The following SORCS3 variants were observed in gnomAD, a reference collection of about 807,000 sequenced individuals.
SORCS3 encodes VPS10 domain-containing receptor SorCS3.
In SORCS3, 57 loss-of-function variants were observed where a neutral mutation model predicts 146.3. That is an observed-to-expected ratio of 0.39 (90% CI 0.31 to 0.49). The LOEUF is 0.49. Among genes scored for constraint, SORCS3 ranks in the 20% least tolerant of loss-of-function variants. The pLI, the probability that SORCS3 is intolerant of heterozygous loss-of-function variation, is 0.92. For missense variants in SORCS3, 1,341 were observed against 1,575.5 expected (o/e 0.85, Z 2.52); for synonymous variants, 653 against 618.5 (o/e 1.06, Z -0.83).
At chr10:105,134,648 C>T (rs1030973737) in intron 7 of SORCS3, among the ~76,000 whole-genome samples, 1 of 151,878 alleles carries the variant, frequency 6.6e-6, no homozygotes, top group Admixed American at 6.6e-5. Context: ...ATGGCCTAAT[C>T]ACCTCTTGAA....
chr10:104,999,848 C>T (rs2055050220), intron 4 of SORCS3, among the ~76,000 whole-genome samples: 3 of 152,158 alleles, frequency 2.0e-5, no homozygotes, highest in Admixed American at 6.6e-5. Flanking sequence ...CCACTAGCTC[C>T]TTCTCCTGTG....
intron 20 of SORCS3, among the ~76,000 whole-genome samples, chr10:105,225,315 C>T (rs1022338467): frequency 2.6e-5 from 4 of 151,980 alleles, no homozygotes; most frequent in Admixed American, 6.6e-5. Context: ...TCCAGTTGTT[C>T]AAGCACCATT....
At chr10:105,196,994 G>A (rs529567528) in intron 14 of SORCS3, among the ~76,000 whole-genome samples, 1 of 152,110 alleles carries the variant, frequency 6.6e-6, no homozygotes, top group African/African-American at 2.4e-5. Context: ...GTGTTCTTTG[G>A]CTTGGGCTGC....
At chr10:105,098,810 G>A (rs542044183) in intron 6 of SORCS3, among the ~76,000 whole-genome samples, 1 of 152,282 alleles carries the variant, frequency 6.6e-6, no homozygotes, top group South Asian at 2.1e-4. Flanking sequence ...CCTATTCAGG[G>A]TCAGTTTATT....
intron 1 of SORCS3, among the ~76,000 whole-genome samples, chr10:104,724,408 A>T (rs2016595997): frequency 6.6e-6 from 1 of 152,008 alleles, no homozygotes; most frequent in Non-Finnish European, 1.5e-5. Context: ...TGCCCTTAAC[A>T]CTTTTTCCTT....
intron 2 of SORCS3, among the ~76,000 whole-genome samples, chr10:104,856,080 G>A (rs1396110309): frequency 9.2e-5 from 14 of 152,060 alleles, no homozygotes; most frequent in South Asian, 2.1e-4. Context: ...GGTGCTAGGC[G>A]TTTTCTGAAT....
chr10:105,245,673 C>T lies in SORCS3; in HGVS notation c.2992+8C>T, dbSNP rs778814875. ...AAGAGATTGCAGTTCATGGTAAGCC[C>T]TGAAAATTGTTCTGTGATGCTCCTT... On this transcript the variant is annotated splice_region_variant and intron_variant, in intron 21 of 26. Transcript: ENST00000369701. 5.0e-6 allele frequency: 8 copies of T among 1,613,624 alleles called. No individual in the cohort carries two copies. Among genetic ancestry groups the T allele is most frequent in the Non-Finnish European group, 6.8e-6 (8 of 1,179,832 alleles).
chr10:104,921,667 C>A (rs1054209161), intron 3 of SORCS3, among the ~76,000 whole-genome samples: 2 of 151,978 alleles, frequency 1.3e-5, no homozygotes, highest in East Asian at 1.9e-4. Flanking sequence ...ATCTCCTGAG[C>A]GTGGTAGTTT....
chr10:104,920,992 T>C (rs2019081025), intron 3 of SORCS3, among the ~76,000 whole-genome samples: 1 of 152,176 alleles, frequency 6.6e-6, no homozygotes, highest in South Asian at 2.1e-4. Context: ...GAGCCCAGAA[T>C]TGCTGAATGT....
chr10:105,217,155 T>G, intron 19 of SORCS3, 33 bp downstream of exon 19: 1 of 1,608,750 alleles, frequency 6.2e-7, no homozygotes, highest in Non-Finnish European at 8.5e-7. Flanking sequence ...GTTTTCCCTT[T>G]GTTCCCAGTT....
intron 1 of SORCS3, among the ~76,000 whole-genome samples, chr10:104,658,832 T>G (rs1339999254): frequency 6.6e-6 from 1 of 152,170 alleles, no homozygotes; most frequent in Non-Finnish European, 1.5e-5. Context: ...ATAAGCACTT[T>G]TTTTTTGTCT....
chr10:105,008,543 T>C (rs1027425700), intron 4 of SORCS3, among the ~76,000 whole-genome samples: 3 of 152,224 alleles, frequency 2.0e-5, no homozygotes, highest in Non-Finnish European at 4.4e-5. Context: ...AGGTGCTTCA[T>C]AGGCACAATG....
At chr10:105,015,133 T>G (rs1237303307) in intron 4 of SORCS3, among the ~76,000 whole-genome samples, 1 of 152,214 alleles carries the variant, frequency 6.6e-6, no homozygotes, top group Admixed American at 6.5e-5. Context: ...AATTTCAGTA[T>G]GGGTGAGGTT....
At chr10:104,739,969 T>C (rs2016821418) in intron 1 of SORCS3, among the ~76,000 whole-genome samples, 2 of 152,176 alleles carry the variant, frequency 1.3e-5, no homozygotes, top group African/African-American at 4.8e-5. Context: ...TGCAAGGAGA[T>C]ATGGTATGTT....
chr10:105,159,534 C>T (rs1313041993), intron 11 of SORCS3, among the ~76,000 whole-genome samples: 1 of 152,196 alleles, frequency 6.6e-6, no homozygotes, highest in Non-Finnish European at 1.5e-5. Flanking sequence ...GAGCATCAGT[C>T]AGAGATGAAG....
Position 104,694,680 on chromosome 10 carries a change from C to T in SORCS3, c.627+52726C>T, listed in dbSNP as rs372228222. Among the ~76,000 whole-genome samples the T allele has an allele frequency of 2.7e-4, 41 of 152,250 alleles. No individual in the cohort carries two copies. In the South Asian group the frequency reaches 8.3e-3, roughly 31 times the overall value. ...GCTCCCCATAGGTGGGCATGTGCCT[C>T]TGTTATGGCTGCAGTATAGCTTAAC... On this transcript the variant is annotated intron_variant, in intron 1 of 26. Transcript: ENST00000369701.
At chr10:104,890,335 A>G (rs1159255934) in intron 2 of SORCS3, among the ~76,000 whole-genome samples, 1 of 151,536 alleles carries the variant, frequency 6.6e-6, no homozygotes, top group Non-Finnish European at 1.5e-5. Context: ...TTTTCTGTTC[A>G]TTTTTTCCTC....
chr10:104,815,415 C>T (rs2017785285), intron 1 of SORCS3, among the ~76,000 whole-genome samples: 1 of 143,614 alleles, frequency 7.0e-6, no homozygotes, highest in Non-Finnish European at 1.5e-5. Context: ...CACCACTGCA[C>T]TCCAGGCTAG....
chr10:104,841,699 G>A (rs1049225650), intron 1 of SORCS3, among the ~76,000 whole-genome samples: 15 of 152,102 alleles, frequency 9.9e-5, no homozygotes, highest in African/African-American at 3.6e-4. Flanking sequence ...ACCTAGAATG[G>A]GAAAGTCCCA....
Sources: allele counts gnomAD v4.1 joint callset (sites outside exome capture counted in the v4.1 genomes callset), GRCh38; gene constraint gnomAD v4.1.1; transcripts MANE v1.5; gene names NCBI Gene and HGNC (gene_info 2026-07-23, HGNC 2026-07-21).